The following GSTT4 variants were observed in gnomAD, a reference collection of about 807,000 sequenced individuals.
GSTT4 encodes glutathione S-transferase theta-4.
chr22:24,002,969 T>C (rs1285427945), intron 2 of GSTT4, among the ~76,000 whole-genome samples: 40 of 152,158 alleles, frequency 2.6e-4, no homozygotes, highest in African/African-American at 8.9e-4. Flanking sequence ...TTTTATGAGG[T>C]ATCTTAATGG....
chr22:23,996,903 C>A (rs1190904971), downstream of GSTT4, among the ~76,000 whole-genome samples: 1 of 140,198 alleles, frequency 7.1e-6, no homozygotes, highest in East Asian at 2.0e-4. Context: ...TTTGTGAAGG[C>A]TTTGTGTTAG....
the GSTT4 span, among the ~76,000 whole-genome samples, chr22:23,991,840 G>A: frequency 7.7e-6 from 1 of 129,244 alleles, no homozygotes; most frequent in African/African-American, 2.7e-5. Flanking sequence ...GGATCACGAG[G>A]TCAGGAGATC....
At chr22:23,991,111 A>T in the GSTT4 span, among the ~76,000 whole-genome samples, 1 of 66,230 alleles carries the variant, frequency 1.5e-5, no homozygotes, top group Non-Finnish European at 3.5e-5. Flanking sequence ...CTGGAAGGTC[A>T]AGGCTGCAGT....
chr22:23,992,985 G>C, the GSTT4 span, among the ~76,000 whole-genome samples: 1 of 152,014 alleles, frequency 6.6e-6, no homozygotes, highest in Non-Finnish European at 1.5e-5. Flanking sequence ...GTTTCCCAGG[G>C]TGCTCTTGAA....
At chr22:23,992,556 T>G in the GSTT4 span, among the ~76,000 whole-genome samples, 10 of 151,248 alleles carry the variant, frequency 6.6e-5, no homozygotes, top group Non-Finnish European at 1.2e-4. Flanking sequence ...AGAAGGGCCA[T>G]GCACTTGGTT....
chr22:24,001,917 G>A (rs1027239433), intron 2 of GSTT4, among the ~76,000 whole-genome samples: 2 of 152,278 alleles, frequency 1.3e-5, no homozygotes, highest in Admixed American at 6.5e-5. Context: ...CTTGAACCTG[G>A]GAGGCAGAGG....
At chr22:23,990,719 G>A in the GSTT4 span, among the ~76,000 whole-genome samples, 7 of 98,152 alleles carry the variant, frequency 7.1e-5, 3 homozygotes, top group African/African-American at 2.3e-4. Flanking sequence ...ATTTTACTTA[G>A]GAAACAACGA....
intron 1 of GSTT4, chr22:24,004,488 G>A: frequency 6.5e-6 from 1 of 154,242 alleles, no homozygotes; most frequent in Non-Finnish European, 1.4e-5. Flanking sequence ...GAGTCCCTCT[G>A]TGCTGGGGAT....
Position 23,998,724 on chromosome 22 carries a change from A to C in GSTT4, c.544T>G (p.Tyr182Asp). 1 of 154,828 alleles carries C rather than the reference A, an allele frequency of 6.5e-6. No individual in the cohort carries two copies. The highest frequency in any genetic ancestry group is 2.4e-5 in the African/African-American group (1 of 41,612). The allele number at this position is 154,828 out of a possible 1,614,324, so 9.6% of individuals were successfully genotyped here. ...VEMMQPMAAN[Y>D]NVFLNSSKLA... ...TTGGAGCTGTTGAGGAAGACATTAT[A>C]GTTGGCTGCCATGGGCTGTAGATAG... Residue 182 changes from tyrosine to aspartate, a missense_variant, in exon 5 of 5, where the codon TAT becomes GAT. By Grantham distance (160) the Tyr-to-Asp change is radical. Coordinates refer to ENST00000621179, the MANE Select transcript of GSTT4 (RefSeq NM_001358664.2).
chr22:24,003,548 G>A (rs1003111368), intron 2 of GSTT4, among the ~76,000 whole-genome samples: 1 of 152,408 alleles, frequency 6.6e-6, no homozygotes, highest in African/African-American at 2.4e-5. Flanking sequence ...CTGGGAGGCA[G>A]GGGAATAGAA....
At chr22:23,997,911 TC>T (rs2034133569), downstream of GSTT4, among the ~76,000 whole-genome samples, 1 of 152,212 alleles carries the variant, frequency 6.6e-6, no homozygotes, top group South Asian at 2.1e-4. Flanking sequence ...CCTTGTGATT[TC>T]TTCTTTAACC....
At chr22:23,992,009 C>T in the GSTT4 span, among the ~76,000 whole-genome samples, 15 of 140,206 alleles carry the variant, frequency 1.1e-4, no homozygotes, top group Non-Finnish European at 1.5e-4. Flanking sequence ...GCCGAGCTCA[C>T]GCCACTGCAC....
At chr22:24,001,545 CAA>C (rs1209410791) in intron 2 of GSTT4, among the ~76,000 whole-genome samples, 11 of 152,256 alleles carry the variant, frequency 7.2e-5, no homozygotes, top group African/African-American at 2.7e-4. Context: ...GGTGGTATAA[CAA>C]AGAGTAGGCC....
intron 2 of GSTT4, among the ~76,000 whole-genome samples, chr22:24,002,523 A>T (rs1312137271): frequency 2.6e-5 from 4 of 152,268 alleles, no homozygotes; most frequent in African/African-American, 9.6e-5. Flanking sequence ...AGAGACAGCA[A>T]CTGGCTGCAA....
the GSTT4 span, among the ~76,000 whole-genome samples, chr22:23,992,044 C>T: frequency 7.3e-5 from 4 of 55,088 alleles, no homozygotes; most frequent in Admixed American, 9.3e-4. Context: ...CAGAGCCATA[C>T]TCCGTCTCAA....
chr22:23,998,880 G>A (rs2034165095), intron 4 of GSTT4, 141 bp from the exon 5 acceptor site: 1 of 152,946 alleles, frequency 6.5e-6, no homozygotes, highest in East Asian at 1.9e-4. Flanking sequence ...TGAGCAAGGG[G>A]TCACAGACTA....
downstream of GSTT4, among the ~76,000 whole-genome samples, chr22:23,994,016 C>T (rs1227208210): frequency 6.6e-6 from 1 of 152,214 alleles, no homozygotes; most frequent in African/African-American, 2.4e-5. Flanking sequence ...ATAGGCTAGG[C>T]TGTGGGGCTG....
At chr22:23,999,112 T>A (rs1313837062) in intron 4 of GSTT4, among the ~76,000 whole-genome samples, 1 of 152,156 alleles carries the variant, frequency 6.6e-6, no homozygotes, top group African/African-American at 2.4e-5. Context: ...GGTTTTTTCC[T>A]CCATGTTTAG....
At chr22:24,004,310 C>T (rs1421388228) in intron 1 of GSTT4, 2 of 152,822 alleles carry the variant, frequency 1.3e-5, no homozygotes, top group Non-Finnish European at 2.9e-5. Context: ...TCAGGGTCAT[C>T]TTAACAGGGA....
Sources: allele counts gnomAD v4.1 joint callset (sites outside exome capture counted in the v4.1 genomes callset), GRCh38; gene constraint gnomAD v4.1.1; transcripts MANE v1.5; gene names NCBI Gene and HGNC (gene_info 2026-07-23, HGNC 2026-07-21).